The following SOX6 variants were observed in gnomAD, a reference collection of about 807,000 sequenced individuals.
The protein encoded by SOX6 is transcription factor SOX-6.
In SOX6, 11 loss-of-function variants were observed where a neutral mutation model predicts 97.8. That is an observed-to-expected ratio of 0.11 (90% CI 0.07 to 0.19). The LOEUF (loss-of-function observed/expected upper bound fraction) is 0.19, where lower values mean the gene tolerates loss of function less well. Among genes scored for constraint, SOX6 ranks in the 10% least tolerant of loss-of-function variants. SOX6 has a pLI of 1.00. For missense variants in SOX6, 810 were observed against 1,039.5 expected (o/e 0.78, Z 3.04); for synonymous variants, 360 against 371.4 (o/e 0.97, Z 0.35).
chr11:16,103,293 C>T (rs558449820), intron 7 of SOX6, among the ~76,000 whole-genome samples: 91 of 151,866 alleles, frequency 6.0e-4, no homozygotes, highest in Admixed American at 2.3e-3. Flanking sequence ...CACTAATTGT[C>T]AGGGAAGTGC....
intron 3 of SOX6, among the ~76,000 whole-genome samples, chr11:16,659,859 T>C (rs549452651): frequency 6.6e-6 from 1 of 152,328 alleles, no homozygotes; most frequent in South Asian, 2.1e-4. Flanking sequence ...TTTAGTAGAT[T>C]AGATCTTCCA....
chr11:16,245,973 GTCCTTTGT>G (rs1168521563), intron 3 of SOX6, among the ~76,000 whole-genome samples: 2 of 151,058 alleles, frequency 1.3e-5, no homozygotes, highest in Admixed American at 6.6e-5. Context: ...TTTTTAATTT[GTCCTTTGT>G]TCCTTTGTTC....
rs552608859 is a variant in SOX6 at position 16,157,257 on chromosome 11, AG to A, written c.777+26628del. Among the ~76,000 whole-genome samples, 174 of 152,128 alleles carry A rather than the reference AG, an allele frequency of 1.1e-3. 3 individuals carry two copies. The South Asian group carries it at 0.031, about 27-fold the overall frequency. ...TTCTTCCCTTTTGGATTACTTCAATAGTACCTCAAATGTTCTCCTTGTCTCT... is the reference window on the plus strand; with the variant it reads ...TTCTTCCCTTTTGGATTACTTCAATATACCTCAAATGTTCTCCTTGTCTCT... On this transcript the variant is annotated intron_variant, in intron 6 of 15. Coordinates refer to ENST00000683767, the MANE Select transcript of SOX6 (RefSeq NM_001367873.1).
chr11:16,685,745 G>A (rs751843867), intron 3 of SOX6, among the ~76,000 whole-genome samples: 220 of 152,374 alleles, frequency 1.4e-3, no homozygotes, highest in Non-Finnish European at 2.2e-3. Flanking sequence ...TCACAGCTCC[G>A]CTAGGCAATG....
intron 1 of SOX6, among the ~76,000 whole-genome samples, chr11:16,349,476 C>T (rs1856854012): frequency 6.6e-6 from 1 of 151,812 alleles, no homozygotes; most frequent in Admixed American, 6.6e-5. Context: ...ATTAGCCACC[C>T]ATGGCGGTGC....
intron 1 of SOX6, among the ~76,000 whole-genome samples, chr11:16,415,587 A>G (rs1045526522): frequency 2.0e-5 from 3 of 152,186 alleles, no homozygotes; most frequent in South Asian, 2.1e-4. Context: ...CAAAAATGAT[A>G]AATATTTGAG....
intron 9 of SOX6, among the ~76,000 whole-genome samples, chr11:16,073,043 C>A (rs921223209): frequency 8.5e-5 from 13 of 152,188 alleles, no homozygotes; most frequent in African/African-American, 3.1e-4. Context: ...ACAATCAAGT[C>A]TGAATTATAA....
chr11:16,109,829 A>G (rs1293099616), intron 7 of SOX6, among the ~76,000 whole-genome samples: 3 of 152,126 alleles, frequency 2.0e-5, no homozygotes, highest in African/African-American at 7.2e-5. Flanking sequence ...TTTTTTACCA[A>G]CCTTGCTTGT....
upstream of SOX6, among the ~76,000 whole-genome samples, chr11:16,478,357 T>C (rs996706121): frequency 2.0e-5 from 3 of 152,234 alleles, no homozygotes; most frequent in Non-Finnish European, 2.9e-5. Flanking sequence ...GAAAATATTG[T>C]GGTTAGCATA....
At chr11:16,184,658 G>T (rs1851424881) in intron 5 of SOX6, among the ~76,000 whole-genome samples, 1 of 152,056 alleles carries the variant, frequency 6.6e-6, no homozygotes. Flanking sequence ...CACATTATCT[G>T]GTCTATAAAA....
At chr11:16,535,801 A>G (rs1338168549) in intron 4 of SOX6, among the ~76,000 whole-genome samples, 1 of 152,214 alleles carries the variant, frequency 6.6e-6, no homozygotes, top group African/African-American at 2.4e-5. Flanking sequence ...TTCTGGTTGT[A>G]AAAATTACCA....
intron 1 of SOX6, chr11:16,402,968 A>G (rs1858600563): frequency 1.3e-6 from 1 of 763,682 alleles, no homozygotes; most frequent in Admixed American, 2.4e-5. Flanking sequence ...GAGAAACACA[A>G]GTCCATTGTT....
chr11:16,732,990 C>T (rs1297917578), intron 2 of SOX6, among the ~76,000 whole-genome samples: 1 of 152,210 alleles, frequency 6.6e-6, no homozygotes, highest in Admixed American at 6.5e-5. Context: ...AAAAAGCTCA[C>T]CATCACTAGT....
rs1854843024 is a variant in SOX6, at chr11:16,015,059, A to G, written c.1624-9T>C. The stretch of plus-strand genomic sequence containing the variant: ...TCAAAGCGCGTTCTTTCCTAGAGGA[A>G]CAAATAATCAGAGGCTTATTCTAGT... On this transcript the variant is annotated splice_polypyrimidine_tract_variant and intron_variant, in intron 12 of 15. Coordinates refer to ENST00000683767, the MANE Select transcript of SOX6 (RefSeq NM_001367873.1). 9 of 1,610,706 alleles carry G rather than the reference A, an allele frequency of 5.6e-6. No homozygotes were observed. Among genetic ancestry groups the G allele is most frequent in the Non-Finnish European group, 7.6e-6 (9 of 1,177,558 alleles).
At chr11:16,684,904 C>T (rs562766744) in intron 3 of SOX6, among the ~76,000 whole-genome samples, 3 of 152,128 alleles carry the variant, frequency 2.0e-5, no homozygotes, top group Admixed American at 6.6e-5. Flanking sequence ...GGAGGCCCCA[C>T]GAGCTTTTAC....
intron 1 of SOX6, among the ~76,000 whole-genome samples, chr11:16,473,552 C>CT (rs61587370): frequency 0.02 from 2,719 of 132,730 alleles, 63 homozygotes; most frequent in East Asian, 0.056. Context: ...GTGACAATTC[C>CT]TTTTTTTTTT....
chr11:16,690,943 T>G (rs1043589693), intron 3 of SOX6, among the ~76,000 whole-genome samples: 38 of 152,232 alleles, frequency 2.5e-4, no homozygotes, highest in African/African-American at 8.2e-4. Flanking sequence ...TCAGCTAATG[T>G]GCATTAGGAA....
At chr11:16,562,406 A>T (rs942487911) in intron 4 of SOX6, among the ~76,000 whole-genome samples, 1 of 152,132 alleles carries the variant, frequency 6.6e-6, no homozygotes, top group Non-Finnish European at 1.5e-5. Context: ...TACAGAAAAA[A>T]AGTCCCCCAA....
intron 12 of SOX6, among the ~76,000 whole-genome samples, chr11:16,015,709 G>A (rs561919017): frequency 6.6e-6 from 1 of 152,112 alleles, no homozygotes; most frequent in South Asian, 2.1e-4. Context: ...TCTTCTAGGA[G>A]TAGGAGTCTG....
Sources: allele counts gnomAD v4.1 joint callset (sites outside exome capture counted in the v4.1 genomes callset), GRCh38; gene constraint gnomAD v4.1.1; transcripts MANE v1.5; gene names NCBI Gene and HGNC (gene_info 2026-07-23, HGNC 2026-07-21).